The following ST8SIA5 variants were observed in gnomAD, a reference collection of about 807,000 sequenced individuals.
ST8SIA5 encodes ST8 alpha-N-acetyl-neuraminide alpha-2,8-sialyltransferase 5.
ST8SIA5 carries 24 observed loss-of-function variants against 40.2 expected under a neutral mutation model. The observed-to-expected ratio is 0.60, with a 90% CI of 0.43 to 0.84. The LOEUF is 0.84. Ranked by LOEUF, ST8SIA5 falls within the 40% of genes least tolerant of loss-of-function variation. The pLI is 0.00. For synonymous variants in ST8SIA5, 198 were observed against 201.8 expected, an observed-to-expected ratio of 0.98 and a Z score of 0.16; for missense variants, 465 against 498.5, an observed-to-expected ratio of 0.93 and a Z score of 0.64.
intron 1 of ST8SIA5, among the ~76,000 whole-genome samples, chr18:46,736,129 TA>T (rs1218791997): frequency 3.3e-5 from 5 of 152,134 alleles, no homozygotes; most frequent in Admixed American, 6.5e-5. Flanking sequence ...ACAAACAATA[TA>T]AAAAAATTAA....
chr18:46,689,179 T>G lies in ST8SIA5; in HGVS notation c.312-260A>C, dbSNP rs1215884984. On this transcript the variant is annotated intron_variant, in intron 3 of 6. Coordinates refer to ENST00000315087, the MANE Select transcript of ST8SIA5 (RefSeq NM_013305.6). ...CCAACCTACACCTCTGCTCATGCAGTCCCCTCCCTTTTCAACGCCTCTCCC... is the reference window on the plus strand; with the variant it reads ...CCAACCTACACCTCTGCTCATGCAGGCCCCTCCCTTTTCAACGCCTCTCCC... 2.6e-5 allele frequency among the ~76,000 whole-genome samples: 4 copies of G among 152,034 alleles called. No homozygotes were observed. The East Asian group carries it at 5.8e-4, about 22-fold the overall frequency.
chr18:46,746,001 C>T (rs1401518855), intron 1 of ST8SIA5, among the ~76,000 whole-genome samples: 3 of 152,124 alleles, frequency 2.0e-5, no homozygotes, highest in African/African-American at 7.2e-5. Context: ...AAAAGTCCTT[C>T]AACAAAATTC....
chr18:46,725,982 T>TATATATATATATATATATATATATCCTGG (rs2039919831), intron 1 of ST8SIA5, among the ~76,000 whole-genome samples: 3 of 46,478 alleles, frequency 6.5e-5, no homozygotes, highest in African/African-American at 2.6e-4. Context: ...AATATATATA[T>TATATATATATATATATATATATATCCTGG]ATATATATAT....
At position 46,680,499 on chromosome 18, in the gene ST8SIA5, A is replaced by G; in HGVS notation, c.674T>C (p.Leu225Pro). ...ATAGAACGGCCGCCGCCACTTCTCC[A>G]GCTTGTGGAACCTACACAGGGCGCG... ...PSIITERFHK[L>P]EKWRRPFYRV... The change falls in exon 7 of 7, where the codon CTG becomes CCG. Residue 225 changes from leucine (L) to proline (P), a missense_variant. Leu to Pro is a moderately conservative substitution (Grantham distance 98). Transcript: ENST00000315087. 1 of 1,592,160 alleles carries G rather than the reference A, an allele frequency of 6.3e-7. No homozygotes were observed. The highest frequency in any genetic ancestry group is 8.6e-7 in the Non-Finnish European group (1 of 1,166,688).
intron 1 of ST8SIA5, among the ~76,000 whole-genome samples, chr18:46,745,970 T>A (rs1000316115): frequency 6.6e-6 from 1 of 152,134 alleles, no homozygotes; most frequent in Non-Finnish European, 1.5e-5. Context: ...AAAAAACACA[T>A]GATTATCTCA....
intron 1 of ST8SIA5, chr18:46,723,154 TG>T (rs1487748891): frequency 1.8e-5 from 3 of 165,558 alleles, no homozygotes; most frequent in Non-Finnish European, 4.0e-5. Context: ...ATTCGCAGGA[TG>T]GGTGAGTCAG....
intron 5 of ST8SIA5, among the ~76,000 whole-genome samples, chr18:46,683,417 CAGGTCCTGTGCAA>C: frequency 6.6e-6 from 1 of 152,204 alleles, no homozygotes; most frequent in South Asian, 2.1e-4. Context: ...ATTCCAGACA[CAGGTCCTGTGCAA>C]AGGTCCTGTG....
At chr18:46,742,188 A>G (rs949408200) in intron 1 of ST8SIA5, among the ~76,000 whole-genome samples, 2 of 152,110 alleles carry the variant, frequency 1.3e-5, no homozygotes, top group African/African-American at 2.4e-5. Flanking sequence ...AACTTTACCT[A>G]TTAGAAAATA....
intron 1 of ST8SIA5, among the ~76,000 whole-genome samples, chr18:46,715,509 A>T (rs1021957269): frequency 1.3e-5 from 2 of 152,038 alleles, no homozygotes. Context: ...ATCTTGTCTG[A>T]GATCAACCCT....
chr18:46,714,021 T>C (rs1401576222), intron 1 of ST8SIA5, among the ~76,000 whole-genome samples: 1 of 152,170 alleles, frequency 6.6e-6, no homozygotes, highest in Non-Finnish European at 1.5e-5. Context: ...CAGTGTTCTG[T>C]GAGCCTCCAA....
chr18:46,691,080 C>T (rs2144479815), intron 3 of ST8SIA5, among the ~76,000 whole-genome samples: 1 of 152,304 alleles, frequency 6.6e-6, no homozygotes, highest in South Asian at 2.1e-4. Flanking sequence ...TTCTAAGGGG[C>T]CAATTGGCAG....
intron 2 of ST8SIA5, among the ~76,000 whole-genome samples, chr18:46,695,581 A>C (rs1281024157): frequency 6.6e-6 from 1 of 152,236 alleles, no homozygotes; most frequent in Non-Finnish European, 1.5e-5. Context: ...CATATAAGTT[A>C]TTAGTATTGT....
intron 1 of ST8SIA5, among the ~76,000 whole-genome samples, chr18:46,752,299 C>G (rs149812945): frequency 6.6e-6 from 1 of 152,230 alleles, no homozygotes; most frequent in East Asian, 1.9e-4. Flanking sequence ...GCGTGCCTTT[C>G]TGTCTTCCCA....
At chr18:46,686,039 A>G in intron 5 of ST8SIA5, 135 bp downstream of exon 5, 3 of 781,556 alleles carry the variant, frequency 3.8e-6, no homozygotes, top group South Asian at 3.2e-5. Context: ...AAGAAGGGAT[A>G]TCCCAGACCT....
chr18:46,755,771 C>T (rs2040237838), intron 1 of ST8SIA5, among the ~76,000 whole-genome samples: 2 of 152,028 alleles, frequency 1.3e-5, no homozygotes, highest in African/African-American at 4.8e-5. Context: ...AAAAAAAAAG[C>T]CATCTGTTTC....
intron 1 of ST8SIA5, among the ~76,000 whole-genome samples, chr18:46,737,776 A>T (rs1046085712): frequency 6.8e-6 from 1 of 147,440 alleles, no homozygotes; most frequent in Non-Finnish European, 1.5e-5. Flanking sequence ...TTAATAATTA[A>T]TTTTTTTTTT....
chr18:46,725,830 A>G (rs906315994), intron 1 of ST8SIA5, among the ~76,000 whole-genome samples: 2 of 150,972 alleles, frequency 1.3e-5, no homozygotes, highest in Admixed American at 6.6e-5. Context: ...AAATGAAAAA[A>G]CATTTCATGG....
intron 3 of ST8SIA5, 108 bp downstream of exon 3, chr18:46,692,061 G>A (rs2039510973): frequency 2.6e-6 from 3 of 1,169,660 alleles, no homozygotes; most frequent in Non-Finnish European, 3.8e-6. Context: ...GTCTGCTCTG[G>A]GGAAGATGCA....
Position 46,746,887 on chromosome 18 carries a change from A to G in ST8SIA5, c.131+9491T>C, listed in dbSNP as rs1035658007. ...CAAAACAGATATATAAACCAATGTAACAGAACAGAGGCCTCAGAAATAACA... is the reference window on the plus strand; with the variant it reads ...CAAAACAGATATATAAACCAATGTAGCAGAACAGAGGCCTCAGAAATAACA... On this transcript the variant is annotated intron_variant, in intron 1 of 6. Coordinates refer to ENST00000315087, the MANE Select transcript of ST8SIA5 (RefSeq NM_013305.6). Among the ~76,000 whole-genome samples the G allele has an allele frequency of 7.2e-5, 11 of 152,336 alleles. No individual in the cohort carries two copies. The East Asian group carries it at 1.9e-3, about 27-fold the overall frequency.
Sources: allele counts gnomAD v4.1 joint callset (sites outside exome capture counted in the v4.1 genomes callset), GRCh38; gene constraint gnomAD v4.1.1; transcripts MANE v1.5; gene names NCBI Gene and HGNC (gene_info 2026-07-23, HGNC 2026-07-21).